CSMD1: variants seen among roughly 807,000 people sequenced by gnomAD.
CSMD1 encodes the protein CUB and Sushi multiple domains 1.
CSMD1 carries 213 observed loss-of-function variants against 417.5 expected under a neutral mutation model. That is an observed-to-expected ratio of 0.51 (90% CI 0.46 to 0.57). The LOEUF is 0.57. CSMD1 is among the 20% of genes least tolerant of loss of function. The pLI, the probability that CSMD1 is intolerant of heterozygous loss-of-function variation, is 0.00. For synonymous variants in CSMD1, 2,862 were observed against 1,736.8 expected, an observed-to-expected ratio of 1.65 and a Z score of -16.11; for missense variants, 6,923 against 4,529.7, an observed-to-expected ratio of 1.53 and a Z score of -15.17.
intron 6 of CSMD1, among the ~76,000 whole-genome samples, chr8:3,735,063 G>A (rs1197620717): frequency 6.6e-6 from 1 of 152,162 alleles, no homozygotes; most frequent in Admixed American, 6.5e-5. Context: ...TGTGGACATG[G>A]GAGGACACAC....
At chr8:3,367,470 G>C (rs1809671744) in intron 19 of CSMD1, among the ~76,000 whole-genome samples, 1 of 151,738 alleles carries the variant, frequency 6.6e-6, no homozygotes. Context: ...AGAGGAGAGA[G>C]AGAAAAAGAG....
At chr8:3,919,995 T>A (rs1036357991) in intron 5 of CSMD1, among the ~76,000 whole-genome samples, 1 of 151,998 alleles carries the variant, frequency 6.6e-6, no homozygotes, top group African/African-American at 2.4e-5. Context: ...ATACCAAATT[T>A]TTTTTTACTT....
intron 5 of CSMD1, among the ~76,000 whole-genome samples, chr8:3,757,513 A>G (rs926031258): frequency 1.3e-5 from 2 of 152,228 alleles, no homozygotes; most frequent in African/African-American, 4.8e-5. Flanking sequence ...CTGATGGGCC[A>G]GATTTGGCCT....
chr8:3,854,177 T>A (rs1400608864), intron 5 of CSMD1, among the ~76,000 whole-genome samples: 3 of 147,286 alleles, frequency 2.0e-5, no homozygotes, highest in Non-Finnish European at 4.5e-5. Flanking sequence ...AAAAAACACG[T>A]CTTGGAAATG....
chr8:3,116,551 T>C (rs1178602591), intron 42 of CSMD1, among the ~76,000 whole-genome samples: 1 of 152,204 alleles, frequency 6.6e-6, no homozygotes, highest in Non-Finnish European at 1.5e-5. Context: ...TTTAAATTCA[T>C]GCAGAGTTTA....
chr8:3,962,728 G>A (rs1812414131), intron 5 of CSMD1, among the ~76,000 whole-genome samples: 1 of 152,058 alleles, frequency 6.6e-6, no homozygotes. Context: ...GACTCTTCGG[G>A]TTGGACTCAA....
At chr8:4,493,042 A>G (rs1265474560) in intron 2 of CSMD1, among the ~76,000 whole-genome samples, 3 of 152,168 alleles carry the variant, frequency 2.0e-5, no homozygotes, top group African/African-American at 4.8e-5. Flanking sequence ...AAAAAGATCA[A>G]TATTAAATAT....
intron 5 of CSMD1, among the ~76,000 whole-genome samples, chr8:3,763,757 A>C (rs948684266): frequency 6.6e-6 from 1 of 152,160 alleles, no homozygotes; most frequent in Non-Finnish European, 1.5e-5. Context: ...GAGGAGATAA[A>C]TGGTGGTAGG....
At chr8:3,778,904 T>C (rs924377676) in intron 5 of CSMD1, among the ~76,000 whole-genome samples, 1 of 152,178 alleles carries the variant, frequency 6.6e-6, no homozygotes, top group African/African-American at 2.4e-5. Context: ...GGACAGGAGT[T>C]CCCGGATCAA....
At chr8:3,175,108 A>C (rs1323559092) in intron 37 of CSMD1, among the ~76,000 whole-genome samples, 1 of 152,192 alleles carries the variant, frequency 6.6e-6, no homozygotes, top group African/African-American at 2.4e-5. Context: ...AGTGTGAATC[A>C]AATCAGGTAA....
chr8:4,858,351 G>A (rs940325166), intron 1 of CSMD1, among the ~76,000 whole-genome samples: 8 of 151,778 alleles, frequency 5.3e-5, no homozygotes, highest in African/African-American at 1.5e-4. Context: ...TTGAAAACGG[G>A]CACAAGACAG....
At chr8:3,535,323 T>C (rs146243481) in intron 10 of CSMD1, among the ~76,000 whole-genome samples, 16 of 152,272 alleles carry the variant, frequency 1.1e-4, no homozygotes, top group African/African-American at 3.8e-4. Flanking sequence ...TCTATCTTTC[T>C]ATATACCATG....
At chr8:4,172,900 A>G (rs1013707894) in intron 3 of CSMD1, among the ~76,000 whole-genome samples, 2 of 152,126 alleles carry the variant, frequency 1.3e-5, no homozygotes, top group Non-Finnish European at 1.5e-5. Context: ...CCAGGAGTTG[A>G]GTCTGAGTCC....
At chr8:3,260,703 A>T (rs1165457633) in intron 26 of CSMD1, among the ~76,000 whole-genome samples, 1 of 152,204 alleles carries the variant, frequency 6.6e-6, no homozygotes, top group Non-Finnish European at 1.5e-5. Context: ...TACACAAAAC[A>T]AAATGAGAAC....
Position 4,627,747 on chromosome 8 carries a change from G to C in CSMD1, c.302+9595C>G, listed in dbSNP as rs371282681. Among the ~76,000 whole-genome samples, 15 of 152,184 alleles carry C rather than the reference G, an allele frequency of 9.9e-5. No homozygotes were observed. In the South Asian group the frequency reaches 3.1e-3, roughly 32 times the overall value. The stretch of plus-strand genomic sequence containing the variant: ...CAGTTGCTCCCCTCAGCCAGTTCCA[G>C]CTAACCTCTTTAAGCTTCGGCCTTG... On this transcript the variant is annotated intron_variant, in intron 2 of 69. Coordinates refer to ENST00000635120, the MANE Select transcript of CSMD1 (RefSeq NM_033225.6).
Position 4,883,108 on chromosome 8 carries a change from T to C in CSMD1, c.85+111224A>G, listed in dbSNP as rs573747067. ...ATCTGGAGTCCTCTACAAGATTTTA[T>C]AGTAAGGTGGAAAGGAAATTTAAGA... is the stretch of plus-strand genomic sequence containing the variant. On this transcript the variant is annotated intron_variant, in intron 1 of 69. Coordinates refer to ENST00000635120, the MANE Select transcript of CSMD1 (RefSeq NM_033225.6). Among the ~76,000 whole-genome samples, 8 of 152,190 alleles carry C rather than the reference T, an allele frequency of 5.3e-5. No individual in the cohort carries two copies. In the East Asian group the frequency reaches 1.2e-3, roughly 22 times the overall value.
intron 1 of CSMD1, among the ~76,000 whole-genome samples, chr8:4,670,985 T>G (rs1805283397): frequency 6.6e-6 from 1 of 152,220 alleles, no homozygotes; most frequent in Non-Finnish European, 1.5e-5. Flanking sequence ...ACTACAGCTT[T>G]ATCAAGAAGC....
At chr8:2,940,493 A>C (rs1386600787) in intron 69 of CSMD1, among the ~76,000 whole-genome samples, 1 of 152,166 alleles carries the variant, frequency 6.6e-6, no homozygotes, top group Non-Finnish European at 1.5e-5. Flanking sequence ...TCACATTTAC[A>C]TAAAAATAAG....
Position 2,965,823 on chromosome 8 carries a change from G to A in CSMD1, c.9232C>T (p.Arg3078Cys), listed in dbSNP as rs766431836. Residue 3078 changes from arginine (R) to cysteine (C), a missense_variant, in exon 59 of 70, where the codon CGC (arginine) becomes TGC (cysteine). By Grantham distance (180) the Arg-to-Cys change is radical (BLOSUM62 -3). Transcript: ENST00000635120. The stretch of plus-strand genomic sequence containing the variant: ...TTCCACCTGCCGTCTTTGGTACAGC[G>A]AATAGTGGCGGATGTGACTGCTTCC... Reference protein sequence around the residue: ...VMEAVTSATIRCTKDGRWNPS... With the variant: ...VMEAVTSATICCTKDGRWNPS... 3.0e-5 allele frequency: 49 copies of A among 1,610,732 alleles called. 1 individual carries two copies. The Admixed American group carries it at 3.7e-4, about 12-fold the overall frequency.
Sources: allele counts gnomAD v4.1 joint callset (sites outside exome capture counted in the v4.1 genomes callset), GRCh38; gene constraint gnomAD v4.1.1; transcripts MANE v1.5; gene names NCBI Gene and HGNC (gene_info 2026-07-23, HGNC 2026-07-21).